Variants in SNX10 observed in about 807,000 individuals in gnomAD.
The protein encoded by SNX10 is sorting nexin 10, also known as sorting nexin-10.
In SNX10, 25 loss-of-function variants were observed where a neutral mutation model predicts 28.5. The ratio of observed to expected loss-of-function variants is 0.88; its 90% CI spans 0.64 to 1.22. The LOEUF (loss-of-function observed/expected upper bound fraction) is 1.22, where lower values mean the gene tolerates loss of function less well. SNX10 is among the 50% of genes most tolerant of loss of function. The pLI is 0.00. For missense variants in SNX10, 223 were observed against 242.6 expected (o/e 0.92, Z 0.54); for synonymous variants, 62 against 81.4 (o/e 0.76, Z 1.28).
intron 2 of SNX10, among the ~76,000 whole-genome samples, chr7:26,346,692 G>A (rs1022324109): frequency 4.6e-5 from 7 of 152,102 alleles, no homozygotes; most frequent in African/African-American, 7.2e-5. Context: ...CCCACAGCTC[G>A]TGACTCAGAA....
intron 1 of SNX10, among the ~76,000 whole-genome samples, chr7:26,299,868 C>G (rs529473671): frequency 1.8e-4 from 27 of 151,936 alleles, no homozygotes; most frequent in African/African-American, 6.5e-4. Context: ...TTGAGATCAG[C>G]CTGGGCAACA....
intron 1 of SNX10, among the ~76,000 whole-genome samples, chr7:26,314,848 A>T (rs774306494): frequency 2.0e-5 from 3 of 152,140 alleles, no homozygotes; most frequent in Non-Finnish European, 4.4e-5. Flanking sequence ...AAATACAAAG[A>T]TTAGCTGTGT....
At position 26,364,375 on chromosome 7, in the gene SNX10, G is replaced by C; in HGVS notation, c.112-160G>C. 1 of 1,376,168 alleles carries C rather than the reference G, an allele frequency of 7.3e-7. No individual in the cohort carries two copies. The highest frequency in any genetic ancestry group is 2.6e-5 in the East Asian group (1 of 37,984). The allele number at this position is 1,376,168 out of a possible 1,614,324, so 85.2% of individuals were successfully genotyped here. ...GTCTTCAGGGCTGTTATGTTCCTGG[G>C]TTATGTGCAAGATTTCAGAGTACTG... On this transcript the variant is annotated intron_variant, in intron 3 of 6. Transcript: ENST00000338523. This position sits in a 1 kb window ranked among gnomAD's most constrained non-coding sequence, Gnocchi z 4.9.
chr7:26,333,543 C>G (rs1787819362), intron 1 of SNX10, among the ~76,000 whole-genome samples: 1 of 151,590 alleles, frequency 6.6e-6, no homozygotes, highest in East Asian at 1.9e-4. Context: ...CTAGGATGGT[C>G]TTGATCTCCT....
chr7:26,299,981 C>T (rs943103784), intron 1 of SNX10, among the ~76,000 whole-genome samples: 8 of 152,024 alleles, frequency 5.3e-5, no homozygotes, highest in African/African-American at 1.2e-4. Flanking sequence ...GAGGCCGAGG[C>T]GAGTGGATCT....
At chr7:26,355,678 C>G (rs1467544393) in intron 2 of SNX10, among the ~76,000 whole-genome samples, 1 of 152,168 alleles carries the variant, frequency 6.6e-6, no homozygotes, top group Non-Finnish European at 1.5e-5. Flanking sequence ...GTTGTCTGAA[C>G]TGGCATTTTA....
chr7:26,313,129 A>G (rs534098233), intron 1 of SNX10, among the ~76,000 whole-genome samples: 108 of 152,350 alleles, frequency 7.1e-4, no homozygotes, highest in African/African-American at 2.5e-3. Context: ...AGTGTGTTGC[A>G]TTCACATCAT....
chr7:26,341,771 C>T (rs1788185365), intron 1 of SNX10, among the ~76,000 whole-genome samples: 1 of 152,096 alleles, frequency 6.6e-6, no homozygotes, highest in African/African-American at 2.4e-5. Flanking sequence ...AGGCATGAGC[C>T]ACCACACCCA....
At position 26,291,922 on chromosome 7, in the gene SNX10, T is replaced by TGCGCGGGGCCGCTACGTGCGCGGGGA. The variant is rs1554347686; in HGVS notation, c.-180_-179insCCGCTACGTGCGCGGGGAGCGCGGGG. 5 of 149,290 alleles carry TGCGCGGGGCCGCTACGTGCGCGGGGA rather than the reference T, an allele frequency of 3.3e-5. No individual in the cohort carries two copies. The East Asian group carries it at 1.0e-3, about 30-fold the overall frequency. The allele number at this position is 149,290 out of a possible 1,614,324, so 9.2% of individuals were successfully genotyped here. ...TGAGCGCGGGCGCGGGGCCGCTACG[T>TGCGCGGGGCCGCTACGTGCGCGGGGA]GCGCGGGGAGCGCGGGGAGCGCGGG... is the stretch of plus-strand genomic sequence containing the variant. On this transcript the variant is annotated 5_prime_UTR_variant, in exon 1 of 7. Transcript: ENST00000338523.
At chr7:26,304,208 C>G (rs1786488772) in intron 1 of SNX10, among the ~76,000 whole-genome samples, 1 of 152,200 alleles carries the variant, frequency 6.6e-6, no homozygotes, top group Non-Finnish European at 1.5e-5. Flanking sequence ...CTCCAGCCTT[C>G]CCCATCTGAA....
chr7:26,365,769 T>G (rs1789264083), intron 5 of SNX10, among the ~76,000 whole-genome samples: 1 of 152,194 alleles, frequency 6.6e-6, no homozygotes, highest in South Asian at 2.1e-4. Flanking sequence ...CCCAGAATGC[T>G]AGAGGCCATA....
At chr7:26,336,787 G>A (rs1055301611) in intron 1 of SNX10, among the ~76,000 whole-genome samples, 2 of 152,220 alleles carry the variant, frequency 1.3e-5, no homozygotes, top group African/African-American at 4.8e-5. Context: ...TAATGGCTAT[G>A]AGGTAGTCTG....
intron 2 of SNX10, among the ~76,000 whole-genome samples, chr7:26,347,414 C>A (rs1358746638): frequency 6.6e-6 from 1 of 152,142 alleles, no homozygotes; most frequent in East Asian, 1.9e-4. Context: ...GTGGCCTGTG[C>A]CTGTGGTCCT....
chr7:26,334,267 G>T (rs1787843506), intron 1 of SNX10, among the ~76,000 whole-genome samples: 1 of 152,186 alleles, frequency 6.6e-6, no homozygotes, highest in South Asian at 2.1e-4. Flanking sequence ...TCAGATCAGG[G>T]TAACTGGGAT....
chr7:26,294,955 G>A (rs886251889), intron 1 of SNX10, among the ~76,000 whole-genome samples: 2 of 152,178 alleles, frequency 1.3e-5, no homozygotes, highest in African/African-American at 4.8e-5. Flanking sequence ...GCTTAGCCAG[G>A]CTTCAGTCAA....
intron 2 of SNX10, 135 bp downstream of exon 2, chr7:26,346,601 C>T: frequency 4.1e-6 from 3 of 732,624 alleles, no homozygotes; most frequent in Non-Finnish European, 7.5e-6. Flanking sequence ...CCCTCCTGTA[C>T]CTGCTCCTCT....
chr7:26,347,867 A>G (rs899126009), intron 2 of SNX10, among the ~76,000 whole-genome samples: 4 of 152,142 alleles, frequency 2.6e-5, no homozygotes, highest in African/African-American at 9.7e-5. Flanking sequence ...ACCCACAAAA[A>G]ACAAAAAAAT....
chr7:26,343,045 C>T (rs1788241777), intron 1 of SNX10, among the ~76,000 whole-genome samples: 1 of 152,086 alleles, frequency 6.6e-6, no homozygotes, highest in Non-Finnish European at 1.5e-5. Flanking sequence ...CCTAAGTGAT[C>T]TGCCCGCCTC....
chr7:26,337,818 G>C (rs1787995167), intron 1 of SNX10, among the ~76,000 whole-genome samples: 1 of 152,204 alleles, frequency 6.6e-6, no homozygotes, highest in South Asian at 2.1e-4. Flanking sequence ...AGCTCTTTTG[G>C]ATGGATATCT....
Sources: allele counts gnomAD v4.1 joint callset (sites outside exome capture counted in the v4.1 genomes callset), GRCh38; gene constraint gnomAD v4.1.1; non-coding constraint Gnocchi (gnomAD v3.1); transcripts MANE v1.5; gene names NCBI Gene and HGNC (gene_info 2026-07-23, HGNC 2026-07-21).